The following PISD variants were observed in gnomAD, a reference collection of about 807,000 sequenced individuals.
PISD encodes phosphatidylserine decarboxylase.
PISD carries 31 observed loss-of-function variants against 43.5 expected under a neutral mutation model. That is an observed-to-expected ratio of 0.71 (90% CI 0.54 to 0.96). PISD has a LOEUF of 0.96. Ranked by LOEUF, PISD falls within the 40% of genes least tolerant of loss-of-function variation. PISD has a pLI of 0.00. For synonymous variants in PISD, 259 were observed against 228.7 expected (o/e 1.13, Z -1.20); for missense variants, 523 against 548.4 (o/e 0.95, Z 0.46).
At chr22:31,658,035 A>G (rs2074226471) in intron 1 of PISD, among the ~76,000 whole-genome samples, 1 of 152,142 alleles carries the variant, frequency 6.6e-6, no homozygotes, top group African/African-American at 2.4e-5. Flanking sequence ...GGCATTTCTT[A>G]TTACACAAAA....
chr22:31,624,723 A>ACACACG (rs1274520676), intron 3 of PISD, among the ~76,000 whole-genome samples: 1 of 140,204 alleles, frequency 7.1e-6, no homozygotes, highest in African/African-American at 2.6e-5. Flanking sequence ...ACACACACAC[A>ACACACG]CACACACACA....
At chr22:31,643,664 C>T (rs753055973) in intron 3 of PISD, among the ~76,000 whole-genome samples, 2 of 152,208 alleles carry the variant, frequency 1.3e-5, no homozygotes, top group Non-Finnish European at 2.9e-5. Flanking sequence ...AATTCTAGCA[C>T]TTTGGGAGGC....
At chr22:31,656,821 C>T (rs1465803256) in intron 1 of PISD, among the ~76,000 whole-genome samples, 1 of 152,038 alleles carries the variant, frequency 6.6e-6, no homozygotes, top group African/African-American at 2.4e-5. Flanking sequence ...CCTCCATTTG[C>T]TGTTTGCTAT....
At position 31,619,124 on chromosome 22, in the gene PISD, A is replaced by C. The variant is rs1396653505; in HGVS notation, c.*488T>G. 4.0e-6 allele frequency: 1 copy of C among 250,878 alleles called. No individual in the cohort carries two copies. The highest frequency in any genetic ancestry group is 2.3e-5 in the African/African-American group (1 of 43,866). 15.5% of individuals were successfully genotyped at this position (250,878 alleles called of 1,614,324 possible). Reference sequence around the variant, plus strand: ...TGGGAACGGAAAGCAGTTGTCACGAAGGCTGTGTGGCTCTGCTGGGGGAGA... The same window carrying C: ...TGGGAACGGAAAGCAGTTGTCACGACGGCTGTGTGGCTCTGCTGGGGGAGA... On this transcript the variant is annotated 3_prime_UTR_variant, in exon 8 of 8. Coordinates refer to ENST00000439502, the MANE Select transcript of PISD (RefSeq NM_001326411.2).
intron 3 of PISD, among the ~76,000 whole-genome samples, chr22:31,634,312 A>G (rs1031996407): frequency 5.3e-5 from 8 of 152,220 alleles, no homozygotes; most frequent in East Asian, 1.9e-4. Context: ...AGCCTCCCCA[A>G]CGTCTGGGCA....
chr22:31,644,331 C>A (rs1280542295), intron 3 of PISD, among the ~76,000 whole-genome samples: 1 of 151,658 alleles, frequency 6.6e-6, no homozygotes, highest in African/African-American at 2.4e-5. Flanking sequence ...CCTCCACCTC[C>A]CGGGTTCACG....
intron 3 of PISD, chr22:31,625,870 C>G (rs1603398827): frequency 2.6e-6 from 4 of 1,558,276 alleles, no homozygotes; most frequent in Non-Finnish European, 2.6e-6. Flanking sequence ...CTTTGTTTTC[C>G]TCTTTCCTCC....
chr22:31,629,791 C>T (rs1198761082), intron 3 of PISD: 2 of 152,148 alleles, frequency 1.3e-5, no homozygotes, highest in Non-Finnish European at 2.9e-5. Flanking sequence ...GTCTGCAGCC[C>T]GCAGCCAGCT....
rs111303474 is a variant in PISD at position 31,629,302 on chromosome 22, G to A, written c.322-7417C>T. ...TACGTGTGCAGGTGCAAGGGTATGTGCATGGAGGGGTGCGTGTATAGGTGC... is the reference window on the plus strand; with the variant it reads ...TACGTGTGCAGGTGCAAGGGTATGTACATGGAGGGGTGCGTGTATAGGTGC... On this transcript the variant is annotated intron_variant, in intron 3 of 7. Transcript: ENST00000439502. The A allele has an allele frequency of 2.6e-3, 2,097 of 811,172 alleles. 48 individuals are homozygous for A. In the African/African-American group the frequency reaches 0.037, roughly 14 times the overall value. The allele number at this position is 811,172 out of a possible 1,614,324, so 50.2% of individuals were successfully genotyped here.
chr22:31,621,612 G>A (rs2072583172), intron 4 of PISD, 37 bp downstream of exon 4: 3 of 1,603,514 alleles, frequency 1.9e-6, no homozygotes, highest in African/African-American at 2.7e-5. Flanking sequence ...GCAGGAAAAA[G>A]TCCTGTTTCC....
chr22:31,659,485 T>C (rs1488165401), intron 1 of PISD, among the ~76,000 whole-genome samples: 1 of 152,176 alleles, frequency 6.6e-6, no homozygotes, highest in Non-Finnish European at 1.5e-5. Context: ...CTAGGTACTA[T>C]TGTCCGTACT....
At chr22:31,660,236 C>A (rs2074280720) in intron 1 of PISD, among the ~76,000 whole-genome samples, 1 of 152,194 alleles carries the variant, frequency 6.6e-6, no homozygotes, top group Non-Finnish European at 1.5e-5. Flanking sequence ...CCCAAATCTT[C>A]ATCTCTCTCA....
intron 3 of PISD, among the ~76,000 whole-genome samples, chr22:31,626,605 GC>G (rs2072922890): frequency 6.6e-6 from 1 of 152,164 alleles, no homozygotes; most frequent in African/African-American, 2.4e-5. Flanking sequence ...GGGAAAACCA[GC>G]CTGGGGCTGG....
chr22:31,657,282 C>T (rs2074206072), intron 1 of PISD, among the ~76,000 whole-genome samples: 1 of 151,706 alleles, frequency 6.6e-6, no homozygotes, highest in Non-Finnish European at 1.5e-5. Flanking sequence ...ATTACAGGCA[C>T]CCACCACCAT....
At chr22:31,645,478 G>A in intron 3 of PISD, among the ~76,000 whole-genome samples, 1 of 151,036 alleles carries the variant, frequency 6.6e-6, no homozygotes, top group East Asian at 2.0e-4. Context: ...GCCGAGGTGG[G>A]CGGATCACCT....
At chr22:31,654,865 C>T (rs1008964132) in intron 1 of PISD, among the ~76,000 whole-genome samples, 1 of 152,070 alleles carries the variant, frequency 6.6e-6, no homozygotes, top group Non-Finnish European at 1.5e-5. Context: ...TGCCTGAGCT[C>T]AGGAGTTTGA....
chr22:31,650,075 T>C (rs1477949946), intron 2 of PISD, among the ~76,000 whole-genome samples: 1 of 152,210 alleles, frequency 6.6e-6, no homozygotes, highest in East Asian at 1.9e-4. Context: ...TTGTGTTGCT[T>C]TGTTACAGCA....
At chr22:31,647,023 G>A (rs770466871) in intron 3 of PISD, among the ~76,000 whole-genome samples, 6 of 151,916 alleles carry the variant, frequency 3.9e-5, no homozygotes, top group South Asian at 2.1e-4. Context: ...ACTAAGTCAC[G>A]GTTTTACAGG....
At chr22:31,659,126 T>C (rs977358528) in intron 1 of PISD, among the ~76,000 whole-genome samples, 1 of 152,158 alleles carries the variant, frequency 6.6e-6, no homozygotes, top group African/African-American at 2.4e-5. Flanking sequence ...AATGCTGGGA[T>C]TACAGGCATG....
Sources: allele counts gnomAD v4.1 joint callset (sites outside exome capture counted in the v4.1 genomes callset), GRCh38; gene constraint gnomAD v4.1.1; transcripts MANE v1.5; gene names NCBI Gene and HGNC (gene_info 2026-07-23, HGNC 2026-07-21).